The following ZC3H12C variants were observed in gnomAD, a reference collection of about 807,000 sequenced individuals.
The protein encoded by ZC3H12C is probable ribonuclease ZC3H12C.
In ZC3H12C, 20 loss-of-function variants were observed where a neutral mutation model predicts 76.3. The observed-to-expected ratio is 0.26, with a 90% CI of 0.18 to 0.38. The LOEUF (loss-of-function observed/expected upper bound fraction) is 0.38, where lower values mean the gene tolerates loss of function less well. Among genes scored for constraint, ZC3H12C ranks in the 10% least tolerant of loss-of-function variants. ZC3H12C has a pLI of 1.00. For synonymous variants in ZC3H12C, 352 were observed against 399.6 expected, an observed-to-expected ratio of 0.88 and a Z score of 1.42; for missense variants, 874 against 1,086.5, an observed-to-expected ratio of 0.80 and a Z score of 2.75.
At chr11:110,122,948 AC>A (rs1189557062) in intron 1 of ZC3H12C, among the ~76,000 whole-genome samples, 1 of 152,206 alleles carries the variant, frequency 6.6e-6, no homozygotes, top group Non-Finnish European at 1.5e-5. Flanking sequence ...GTGTGGATAC[AC>A]TGGACAAAGG....
intron 3 of ZC3H12C, among the ~76,000 whole-genome samples, chr11:110,153,574 T>C (rs369740865): frequency 2.2e-4 from 33 of 152,158 alleles, no homozygotes; most frequent in African/African-American, 7.2e-4. Flanking sequence ...TCTTTACTTT[T>C]GTGGAAACTC....
At chr11:110,140,460 C>T (rs1202032788) in intron 2 of ZC3H12C, among the ~76,000 whole-genome samples, 3 of 152,184 alleles carry the variant, frequency 2.0e-5, no homozygotes, top group Non-Finnish European at 4.4e-5. Context: ...CAGCTTCTTC[C>T]AGATTTTATA....
At position 110,165,384 on chromosome 11, in the gene ZC3H12C, C is replaced by G. The variant is rs1177260503; in HGVS notation, c.2299C>G (p.Pro767Ala). The change falls in exon 6 of 6, where the codon CCT (proline) becomes GCT (alanine). Residue 767 changes from proline (P) to alanine (A), a missense_variant. Physicochemically the swap from Pro to Ala is conservative, Grantham distance 27. Around this residue, in one of 3 missense-constraint regions of ZC3H12C, gnomAD observed 395 missense variants for 434.4 expected, o/e 0.91. Transcript: ENST00000278590. ...YDSSPSRQRK[P>A]YSRQEGLGSW... is the part of the protein sequence containing the mutation. ...CAGTTCTCCTTCACGACAAAGAAAGCCTTATTCCCGCCAGGAAGGCCTGGG... is the reference window on the plus strand; with the variant it reads ...CAGTTCTCCTTCACGACAAAGAAAGGCTTATTCCCGCCAGGAAGGCCTGGG... The G allele has an allele frequency of 6.2e-7, 1 of 1,614,022 alleles. No homozygotes were observed. Among genetic ancestry groups the G allele is most frequent in the Admixed American group, 1.7e-5 (1 of 60,022 alleles).
intron 1 of ZC3H12C, among the ~76,000 whole-genome samples, chr11:110,122,387 C>A (rs1480246591): frequency 7.2e-5 from 11 of 151,850 alleles, no homozygotes; most frequent in African/African-American, 2.7e-4. Context: ...TTAATATAAC[C>A]ACGAGTGTAT....
chr11:110,105,187 T>C (rs1211560017), intron 1 of ZC3H12C, among the ~76,000 whole-genome samples: 1 of 152,236 alleles, frequency 6.6e-6, no homozygotes, highest in Non-Finnish European at 1.5e-5. Context: ...TTTTCCCATA[T>C]AGTTGAGGCT....
chr11:110,110,342 A>G lies in ZC3H12C; in HGVS notation c.21+16910A>G, dbSNP rs117466527. Reference sequence around the variant, plus strand: ...GATTGGCCCTAGTATGCTCCTTTCTATGGGTTTTATAGGATTTCTTGGGGA... The same window carrying G: ...GATTGGCCCTAGTATGCTCCTTTCTGTGGGTTTTATAGGATTTCTTGGGGA... On this transcript the variant is annotated intron_variant, in intron 1 of 5. Coordinates refer to ENST00000278590, the MANE Select transcript of ZC3H12C (RefSeq NM_033390.2). Among the ~76,000 whole-genome samples the G allele has an allele frequency of 6.1e-4, 93 of 152,114 alleles. 3 individuals carry two copies. The East Asian group carries it at 0.011, about 18-fold the overall frequency.
intron 1 of ZC3H12C, among the ~76,000 whole-genome samples, chr11:110,128,588 T>G (rs986691701): frequency 9.2e-5 from 14 of 152,152 alleles, no homozygotes; most frequent in African/African-American, 3.4e-4. Flanking sequence ...GAAGACTGTC[T>G]ATTCATACCA....
chr11:110,133,438 A>T (rs527271423), intron 1 of ZC3H12C, among the ~76,000 whole-genome samples: 16 of 152,326 alleles, frequency 1.1e-4, no homozygotes, highest in Non-Finnish European at 2.2e-4. Flanking sequence ...AATCTAGAAG[A>T]TGAAGAGAGG....
chr11:110,127,590 CA>C (rs1307973330), intron 1 of ZC3H12C, among the ~76,000 whole-genome samples: 1 of 151,874 alleles, frequency 6.6e-6, no homozygotes, highest in Non-Finnish European at 1.5e-5. Flanking sequence ...ATGGTGTTAT[CA>C]TTAGGATCAA....
chr11:110,152,821 C>T, intron 2 of ZC3H12C, 98 bp from the exon 3 acceptor site: 2 of 1,348,208 alleles, frequency 1.5e-6, no homozygotes, highest in East Asian at 5.0e-5. Context: ...TCTCTTATTA[C>T]TGTTGTAACT....
At chr11:110,124,042 G>T in intron 1 of ZC3H12C, 1 of 152,370 alleles carries the variant, frequency 6.6e-6, no homozygotes, top group Non-Finnish European at 1.5e-5. Context: ...GAAAAGGACT[G>T]GTCCTTACAG....
rs1862585605 is a variant in ZC3H12C, at chr11:110,166,388, G to A, written c.*651G>A. ...GATTTACAATATGGCACTTTTCGAT[G>A]TGTTATTTTTGTTTGGATTTTTTTT... On this transcript the variant is annotated 3_prime_UTR_variant, in exon 6 of 6. Coordinates refer to ENST00000278590, the MANE Select transcript of ZC3H12C (RefSeq NM_033390.2). The A allele has an allele frequency of 6.6e-6, 1 of 151,944 alleles. No homozygotes were observed. Among genetic ancestry groups the A allele is most frequent in the Non-Finnish European group, 1.5e-5 (1 of 67,984 alleles). The allele number at this position is 151,944 out of a possible 1,614,324, so 9.4% of individuals were successfully genotyped here.
At chr11:110,137,563 TC>T in intron 2 of ZC3H12C, 149 bp downstream of exon 2, 1 of 1,054,458 alleles carries the variant, frequency 9.5e-7, no homozygotes, top group South Asian at 1.8e-5. Context: ...TAGTTTTCCG[TC>T]TCTCTTCTTT....
intron 1 of ZC3H12C, chr11:110,131,049 A>T: frequency 6.5e-7 from 1 of 1,535,858 alleles, no homozygotes; most frequent in Admixed American, 2.0e-5. Flanking sequence ...AAATTGTGTT[A>T]AGGAGTTTAC....
chr11:110,121,885 T>C (rs1861657185), intron 1 of ZC3H12C, among the ~76,000 whole-genome samples: 1 of 152,194 alleles, frequency 6.6e-6, no homozygotes, highest in Admixed American at 6.6e-5. Context: ...TTTTTTTTCC[T>C]GAATTCCTGT....
At chr11:110,146,933 C>T (rs1862182532) in intron 2 of ZC3H12C, among the ~76,000 whole-genome samples, 2 of 152,136 alleles carry the variant, frequency 1.3e-5, no homozygotes, top group Non-Finnish European at 2.9e-5. Context: ...TTAGAAAATG[C>T]CTCAGTCAGC....
In ZC3H12C at chr11:110,163,394, G is replaced by A; in HGVS notation, c.1255+15G>A. The A allele has an allele frequency of 6.3e-7, 1 of 1,597,328 alleles. No homozygotes were observed. The highest frequency in any genetic ancestry group is 1.1e-5 in the South Asian group (1 of 88,630). ...TTGTCCATATGGTAACTTGCTTTGTGAATATTGGGTATATGCCTTTAGAAC... is the reference window on the plus strand; with the variant it reads ...TTGTCCATATGGTAACTTGCTTTGTAAATATTGGGTATATGCCTTTAGAAC... On this transcript the variant is annotated intron_variant, in intron 5 of 5. Coordinates refer to ENST00000278590, the MANE Select transcript of ZC3H12C (RefSeq NM_033390.2).
At position 110,164,548 on chromosome 11, in the gene ZC3H12C, A is replaced by T. The variant is rs753984979; in HGVS notation, c.1463A>T (p.Lys488Met). 6.2e-6 allele frequency: 10 copies of T among 1,613,894 alleles called. No homozygotes were observed. Among genetic ancestry groups the T allele is most frequent in the Non-Finnish European group, 8.5e-6 (10 of 1,179,904 alleles). ...TCTGATGTCAAACGAGGTGCTCCAA[A>T]GAGGCAATCAGATCCAAGCATAAGG... ...STSDVKRGAP[K>M]RQSDPSIRTQ... Residue 488 changes from lysine (K) to methionine (M), a missense_variant, in exon 6 of 6, where the codon AAG becomes ATG. Lys to Met is a moderately conservative substitution (Grantham distance 95, BLOSUM62 -1). Around this residue, in one of 3 missense-constraint regions of ZC3H12C, gnomAD observed 269 missense variants for 424.9 expected, o/e 0.63. Transcript: ENST00000278590. The surrounding 1 kb of genome is among the most constrained non-coding windows in gnomAD (Gnocchi z 5.7).
At chr11:110,093,511 C>T (rs1381247729) in intron 1 of ZC3H12C, 79 bp downstream of exon 1, 3 of 1,078,644 alleles carry the variant, frequency 2.8e-6, no homozygotes, top group East Asian at 8.0e-5. Flanking sequence ...GGGAGGGCCG[C>T]GGGGCCGCGC....
Sources: gnomAD v4.1 joint callset for allele counts (sites outside exome capture counted in the v4.1 genomes callset) on GRCh38, gnomAD v4.1.1 for gene constraint, gnomAD v4.1.1 regional missense constraint, Gnocchi (gnomAD v3.1) non-coding constraint, MANE v1.5 for transcripts, NCBI Gene and HGNC (gene_info 2026-07-23, HGNC 2026-07-21) for gene names.